The following PRELID2 variants were observed in gnomAD, a reference collection of about 807,000 sequenced individuals.
PRELID2 encodes PRELI domain containing 2.
Under a neutral mutation model 28.4 loss-of-function variants are expected in PRELID2, and 25 were observed. That is an observed-to-expected ratio of 0.88 (90% CI 0.64 to 1.23). The LOEUF (loss-of-function observed/expected upper bound fraction) is 1.23, where lower values mean the gene tolerates loss of function less well. Ranked by LOEUF, PRELID2 falls within the 50% of genes most tolerant of loss-of-function variation. PRELID2 has a pLI of 0.00. For missense variants in PRELID2, 201 were observed against 214.4 expected (o/e 0.94, Z 0.39); for synonymous variants, 76 against 71.6 (o/e 1.06, Z -0.31).
chr5:145,585,160 T>C (rs888242080), intron 1 of PRELID2, among the ~76,000 whole-genome samples: 1 of 152,112 alleles, frequency 6.6e-6, no homozygotes. Context: ...GTGGAAGCCA[T>C]TATCCTCAGC....
At chr5:145,522,396 GACACACACAC>G (rs111725998) in intron 1 of PRELID2, among the ~76,000 whole-genome samples, 1 of 150,100 alleles carries the variant, frequency 6.7e-6, no homozygotes, top group South Asian at 2.1e-4. Context: ...TAGATACAGA[GACACACACAC>G]ACACACACAC....
chr5:145,314,762 A>G, the PRELID2 span, among the ~76,000 whole-genome samples: 2 of 152,046 alleles, frequency 1.3e-5, no homozygotes, highest in Admixed American at 6.5e-5. Flanking sequence ...TTTCTATATA[A>G]AATTGTTATG....
chr5:145,412,970 T>C, the PRELID2 span, among the ~76,000 whole-genome samples: 5 of 152,080 alleles, frequency 3.3e-5, no homozygotes, highest in Non-Finnish European at 1.5e-5. Context: ...GAGAACCGCA[T>C]GGGGGAAACC....
At chr5:145,605,873 A>T (rs1332352531) in intron 1 of PRELID2, among the ~76,000 whole-genome samples, 1 of 152,090 alleles carries the variant, frequency 6.6e-6, no homozygotes, top group Non-Finnish European at 1.5e-5. Context: ...GGCCATTTTT[A>T]AAATATTAAT....
At chr5:145,388,757 C>T in the PRELID2 span, among the ~76,000 whole-genome samples, 1 of 152,142 alleles carries the variant, frequency 6.6e-6, no homozygotes, top group Non-Finnish European at 1.5e-5. Flanking sequence ...CTGGCTCCTT[C>T]TTGACTCAGG....
At chr5:145,499,689 G>C (rs1405160339) in intron 1 of PRELID2, among the ~76,000 whole-genome samples, 1 of 152,180 alleles carries the variant, frequency 6.6e-6, no homozygotes, top group Non-Finnish European at 1.5e-5. Flanking sequence ...ATTTGTGACA[G>C]ATGCAAGGGA....
the PRELID2 span, among the ~76,000 whole-genome samples, chr5:145,333,775 G>A: frequency 6.9e-6 from 1 of 144,064 alleles, no homozygotes; most frequent in African/African-American, 2.6e-5. Flanking sequence ...TAAGGGGAGT[G>A]ATCAGTTATG....
intron 1 of PRELID2, among the ~76,000 whole-genome samples, chr5:145,533,064 T>G (rs1208817853): frequency 2.0e-5 from 3 of 152,116 alleles, no homozygotes; most frequent in Non-Finnish European, 4.4e-5. Context: ...AGCTGTACTG[T>G]TAGAATGGCT....
At chr5:145,724,711 T>C (rs926648405) in intron 1 of PRELID2, among the ~76,000 whole-genome samples, 17 of 139,346 alleles carry the variant, frequency 1.2e-4, no homozygotes, top group African/African-American at 4.4e-4. Flanking sequence ...TGTGTATACA[T>C]ATTACATATA....
chr5:145,249,511 G>GT, the PRELID2 span, among the ~76,000 whole-genome samples: 2 of 151,802 alleles, frequency 1.3e-5, no homozygotes, highest in Non-Finnish European at 2.9e-5. Flanking sequence ...CAAAATACTT[G>GT]TTTTTTTCTT....
intron 1 of PRELID2, among the ~76,000 whole-genome samples, chr5:145,681,014 G>GCAGAGGATAATGAACCC (rs1754924291): frequency 6.6e-6 from 1 of 152,228 alleles, no homozygotes; most frequent in Non-Finnish European, 1.5e-5. Context: ...CAATTTGACA[G>GCAGAGGATAATGAACCC]CAGAGGATAA....
rs76691089 is a variant in PRELID2, at chr5:145,473,949, C to G, written n.71-634G>C. ...AATTTTGCTGATGCTATTGCAATTA[C>G]CAGGAGCTAAGTTACAGTTAAATCT... is the stretch of plus-strand genomic sequence containing the variant. On this transcript the variant is annotated intron_variant and non_coding_transcript_variant, in intron 1 of 2. Transcript: ENST00000510259. Among the ~76,000 whole-genome samples the G allele has an allele frequency of 1.8e-4, 27 of 152,256 alleles. No homozygotes were observed. In the East Asian group the frequency reaches 5.2e-3, roughly 29 times the overall value.
chr5:145,794,515 G>A (rs1248991384), intron 5 of PRELID2, among the ~76,000 whole-genome samples: 1 of 152,074 alleles, frequency 6.6e-6, no homozygotes, highest in Non-Finnish European at 1.5e-5. Flanking sequence ...CAAAAGATAG[G>A]GATTTAAGTC....
intron 5 of PRELID2, among the ~76,000 whole-genome samples, chr5:145,793,651 A>C (rs964548503): frequency 1.3e-5 from 2 of 152,198 alleles, no homozygotes; most frequent in African/African-American, 2.4e-5. Context: ...AAATGAGAAT[A>C]AAAAGGAATC....
the PRELID2 span, among the ~76,000 whole-genome samples, chr5:145,439,747 G>T: frequency 1.4e-4 from 22 of 151,752 alleles, no homozygotes; most frequent in East Asian, 7.8e-4. Flanking sequence ...CATTTCTACT[G>T]CCCTGCTTTC....
At chr5:145,676,944 A>G (rs1488056469) in intron 1 of PRELID2, among the ~76,000 whole-genome samples, 1 of 152,168 alleles carries the variant, frequency 6.6e-6, no homozygotes, top group Non-Finnish European at 1.5e-5. Flanking sequence ...GAGGCTTAAG[A>G]GACCTATTAA....
intron 1 of PRELID2, among the ~76,000 whole-genome samples, chr5:145,731,130 T>C (rs1316244939): frequency 6.6e-6 from 1 of 152,236 alleles, no homozygotes; most frequent in Non-Finnish European, 1.5e-5. Flanking sequence ...CTTTAACTCT[T>C]ACATGTTCTA....
At chr5:145,626,776 G>C (rs111987303) in intron 1 of PRELID2, among the ~76,000 whole-genome samples, 3,060 of 152,136 alleles carry the variant, frequency 0.02, 113 homozygotes, top group African/African-American at 0.07. Context: ...ATCAACCTAA[G>C]TATCCATCAA....
chr5:145,589,888 T>G (rs1400937193), intron 1 of PRELID2, among the ~76,000 whole-genome samples: 1 of 152,224 alleles, frequency 6.6e-6, no homozygotes, highest in Non-Finnish European at 1.5e-5. Context: ...TGTAAGAATA[T>G]TATGTTTTTG....
Sources: gnomAD v4.1 joint callset for allele counts (sites outside exome capture counted in the v4.1 genomes callset) on GRCh38, gnomAD v4.1.1 for gene constraint, MANE v1.5 for transcripts, NCBI Gene and HGNC (gene_info 2026-07-23, HGNC 2026-07-21) for gene names.